AUTS2: variants seen among roughly 807,000 people sequenced by gnomAD.
The protein encoded by AUTS2 is autism susceptibility gene 2 protein.
In AUTS2, 17 loss-of-function variants were observed where a neutral mutation model predicts 112.4. The ratio of observed to expected loss-of-function variants is 0.15; its 90% CI spans 0.10 to 0.23. The LOEUF is 0.23. Ranked by LOEUF, AUTS2 falls within the 10% of genes least tolerant of loss-of-function variation. AUTS2 has a pLI of 1.00. For synonymous variants in AUTS2, 751 were observed against 702.7 expected (o/e 1.07, Z -1.09); for missense variants, 1,510 against 1,701.6 (o/e 0.89, Z 1.98).
At chr7:70,687,788 G>A (rs1754567015) in intron 5 of AUTS2, among the ~76,000 whole-genome samples, 1 of 152,134 alleles carries the variant, frequency 6.6e-6, no homozygotes, top group South Asian at 2.1e-4. Flanking sequence ...AGGGGTTGGG[G>A]GGCACTGAGC....
chr7:69,677,222 T>C (rs1173730074), intron 1 of AUTS2, among the ~76,000 whole-genome samples: 1 of 152,146 alleles, frequency 6.6e-6, no homozygotes, highest in African/African-American at 2.4e-5. Flanking sequence ...TAAGATTTAG[T>C]TAGTGGCCCC....
intron 2 of AUTS2, among the ~76,000 whole-genome samples, chr7:70,039,492 A>G (rs551362389): frequency 1.3e-5 from 2 of 152,002 alleles, no homozygotes; most frequent in East Asian, 3.9e-4. Flanking sequence ...CCTCCCTAGT[A>G]GCTGGGATTA....
chr7:70,776,264 C>A (rs574509884), intron 13 of AUTS2, among the ~76,000 whole-genome samples: 1 of 152,120 alleles, frequency 6.6e-6, no homozygotes, highest in Non-Finnish European at 1.5e-5. Flanking sequence ...AGTCACTGAG[C>A]GCGCACGCCG....
intron 2 of AUTS2, among the ~76,000 whole-genome samples, chr7:70,093,632 G>T (rs1259660776): frequency 2.6e-5 from 4 of 152,194 alleles, no homozygotes; most frequent in African/African-American, 9.7e-5. Context: ...ACATGTACAG[G>T]TGAGCTGTGT....
chr7:70,121,593 T>C (rs185234240), intron 3 of AUTS2, among the ~76,000 whole-genome samples: 16 of 152,238 alleles, frequency 1.1e-4, no homozygotes, highest in Admixed American at 8.5e-4. Context: ...CATTAGGTAT[T>C]AGAGAAATGC....
chr7:69,647,085 C>T (rs190829919), intron 1 of AUTS2, among the ~76,000 whole-genome samples: 1 of 152,164 alleles, frequency 6.6e-6, no homozygotes, highest in Non-Finnish European at 1.5e-5. Context: ...GAGACTCTGT[C>T]TCAAACAAAA....
intron 6 of AUTS2, among the ~76,000 whole-genome samples, chr7:70,760,798 A>G (rs1789519929): frequency 1.3e-5 from 2 of 152,258 alleles, no homozygotes; most frequent in African/African-American, 4.8e-5. Flanking sequence ...AAATCTTCCC[A>G]GAAAGGTTGA....
At chr7:70,332,510 T>C (rs1585027415) in intron 4 of AUTS2, among the ~76,000 whole-genome samples, 1 of 152,112 alleles carries the variant, frequency 6.6e-6, no homozygotes, top group South Asian at 2.1e-4. Context: ...GCCAAGACAA[T>C]CATAAGGAAA....
chr7:70,256,198 C>T (rs1374278571), intron 4 of AUTS2, among the ~76,000 whole-genome samples: 1 of 152,160 alleles, frequency 6.6e-6, no homozygotes, highest in Non-Finnish European at 1.5e-5. Flanking sequence ...CGCTCTGCTC[C>T]CTTCCTCCTT....
chr7:69,734,115 T>G (rs953031154), intron 1 of AUTS2, among the ~76,000 whole-genome samples: 10 of 152,236 alleles, frequency 6.6e-5, no homozygotes, highest in African/African-American at 2.2e-4. Flanking sequence ...AATCCGTCTT[T>G]GTCTTAATAA....
intron 2 of AUTS2, among the ~76,000 whole-genome samples, chr7:69,962,052 A>G (rs575064452): frequency 6.6e-6 from 1 of 152,250 alleles, no homozygotes; most frequent in African/African-American, 2.4e-5. Context: ...ACGTATGGCA[A>G]GGGAGGAATA....
intron 1 of AUTS2, among the ~76,000 whole-genome samples, chr7:69,624,714 C>T (rs956345803): frequency 6.6e-6 from 1 of 152,184 alleles, no homozygotes; most frequent in African/African-American, 2.4e-5. Context: ...TCTTAGTGAT[C>T]GCCACTATCA....
At chr7:69,684,165 T>G (rs1399792262) in intron 1 of AUTS2, among the ~76,000 whole-genome samples, 1 of 151,544 alleles carries the variant, frequency 6.6e-6, no homozygotes, top group Non-Finnish European at 1.5e-5. Context: ...GGAGGAAGAG[T>G]CATGGGGAGG....
chr7:69,994,108 G>C (rs1439659108), intron 2 of AUTS2, among the ~76,000 whole-genome samples: 3 of 152,030 alleles, frequency 2.0e-5, no homozygotes, highest in Non-Finnish European at 4.4e-5. Context: ...GCATGTGCCT[G>C]TTGTCCCAGC....
rs565156541 is a variant in AUTS2, at chr7:70,790,110, G to A, written c.2894G>A (p.Arg965His). ...ACCTCGAGCCGGGAGGCCGAGCCGC[G>A]CAAGGGTGAGCCGGCCTACGAGAAC... ...NSTSSREAEPRKGEPAYENPK... is the reference protein window; with the variant it reads ...NSTSSREAEPHKGEPAYENPK... Residue 965 changes from arginine (R) to histidine (H), a missense_variant, in exon 19 of 19, where the codon CGC becomes CAC. Around this residue, in one of 3 missense-constraint regions of AUTS2, gnomAD observed 788 missense variants for 797.6 expected, o/e 0.99. Transcript: ENST00000342771. The surrounding 1 kb of genome is among the most constrained non-coding windows in gnomAD (Gnocchi z 7.6). 15 of 1,596,508 alleles carry A rather than the reference G, an allele frequency of 9.4e-6. No homozygotes were observed. Among genetic ancestry groups the A allele is most frequent in the African/African-American group, 4.0e-5 (3 of 74,704 alleles).
At chr7:69,942,761 T>C (rs1239577040) in intron 2 of AUTS2, among the ~76,000 whole-genome samples, 1 of 152,256 alleles carries the variant, frequency 6.6e-6, no homozygotes, top group Non-Finnish European at 1.5e-5. Flanking sequence ...CATGAATTTC[T>C]GTATGACAGG....
intron 1 of AUTS2, among the ~76,000 whole-genome samples, chr7:69,729,976 T>G (rs573881408): frequency 1.6e-4 from 24 of 149,572 alleles, no homozygotes; most frequent in East Asian, 1.9e-4. Context: ...TATGTTTTTT[T>G]TTGTTGTTGT....
chr7:69,689,343 A>ATTTTTTTTTTT (rs530444257), intron 1 of AUTS2, among the ~76,000 whole-genome samples: 3 of 102,500 alleles, frequency 2.9e-5, no homozygotes, highest in Non-Finnish European at 5.6e-5. Context: ...TAATTAATTA[A>ATTTTTTTTTTT]TTTTTTTTTT....
intron 5 of AUTS2, among the ~76,000 whole-genome samples, chr7:70,537,502 C>T (rs1033017585): frequency 7.2e-5 from 11 of 152,182 alleles, no homozygotes; most frequent in African/African-American, 2.7e-4. Flanking sequence ...TAATGTTAAA[C>T]CATGCTTTTC....
Sources: allele counts gnomAD v4.1 joint callset (sites outside exome capture counted in the v4.1 genomes callset), GRCh38; gene constraint gnomAD v4.1.1; regional missense constraint gnomAD v4.1.1; non-coding constraint Gnocchi (gnomAD v3.1); transcripts MANE v1.5; gene names NCBI Gene and HGNC (gene_info 2026-07-23, HGNC 2026-07-21).